The following ANO1 variants were observed in gnomAD, a reference collection of about 807,000 sequenced individuals.
ANO1 encodes anoctamin 1.
Under a neutral mutation model 124.0 loss-of-function variants are expected in ANO1, and 59 were observed. The ratio of observed to expected loss-of-function variants is 0.48; its 90% CI spans 0.39 to 0.59. The LOEUF (loss-of-function observed/expected upper bound fraction) is 0.59. Among genes scored for constraint, ANO1 ranks in the 20% least tolerant of loss-of-function variants. The pLI is 0.00. For missense variants in ANO1, 1,059 were observed against 1,328.0 expected (o/e 0.80, Z 3.15); for synonymous variants, 529 against 532.0 (o/e 0.99, Z 0.08).
At chr11:70,087,278 A>G (rs1046400200) in intron 1 of ANO1, among the ~76,000 whole-genome samples, 1 of 152,178 alleles carries the variant, frequency 6.6e-6, no homozygotes, top group African/African-American at 2.4e-5. Context: ...GTTACAAACA[A>G]CCCAGTTATG....
At position 70,088,077 on chromosome 11, in the gene ANO1, A is replaced by T. The variant is rs2044461924; in HGVS notation, c.434A>T (p.Asp145Val). 1 of 1,160,416 alleles carries T rather than the reference A, an allele frequency of 8.6e-7. No homozygotes were observed. Among genetic ancestry groups the T allele is most frequent in the South Asian group, 2.0e-5 (1 of 49,728 alleles). 71.9% of individuals were successfully genotyped at this position (1,160,416 alleles called of 1,614,324 possible). The stretch of plus-strand genomic sequence containing the variant: ...GAGGCGGGCCTGGAGCTGGAGCGGG[A>T]CGAGGACGTAACTATCTCACTGCGC... ...LLEAGLELERDEDTKIHGVGF... is the reference protein window; with the variant it reads ...LLEAGLELERVEDTKIHGVGF... Residue 145 changes from aspartate to valine, a missense_variant, in exon 2 of 26, where the codon GAC (aspartate) becomes GTC (valine). Physicochemically the swap from Asp to Val is radical, Grantham distance 152. This residue lies in a region of ANO1 where 250 missense variants were observed against 233.1 expected (regional missense o/e 1.07). Coordinates refer to ENST00000355303, the MANE Select transcript of ANO1 (RefSeq NM_018043.7).
At chr11:70,116,527 G>A in intron 8 of ANO1, 28 bp downstream of exon 8, 2 of 1,576,336 alleles carry the variant, frequency 1.3e-6, no homozygotes, top group Admixed American at 1.8e-5. Flanking sequence ...AGCAGGAGGT[G>A]GCTCTGTCAG....
intron 8 of ANO1, among the ~76,000 whole-genome samples, chr11:70,121,820 A>G (rs866884257): frequency 4.6e-5 from 1 of 21,958 alleles, no homozygotes; most frequent in Non-Finnish European, 8.3e-5. Flanking sequence ...CTGTCTCTCC[A>G]TCTCCCCCAC....
intron 6 of ANO1, among the ~76,000 whole-genome samples, chr11:70,110,850 C>T (rs2045748821): frequency 6.6e-6 from 1 of 152,272 alleles, no homozygotes. Flanking sequence ...CTTCCCCACA[C>T]ATGGCCCTGG....
At chr11:69,980,189 T>A in the ANO1 span, among the ~76,000 whole-genome samples, 2 of 152,072 alleles carry the variant, frequency 1.3e-5, no homozygotes, top group Admixed American at 6.6e-5. Flanking sequence ...AAACACCACA[T>A]GTTCCAATTC....
intron 8 of ANO1, among the ~76,000 whole-genome samples, chr11:70,120,687 G>A (rs1038495484): frequency 3.3e-5 from 5 of 152,208 alleles, no homozygotes; most frequent in Non-Finnish European, 7.3e-5. Flanking sequence ...ATTCTAGAGG[G>A]AAGGGCAACG....
At chr11:70,184,759 T>G (rs2049046587) in intron 24 of ANO1, among the ~76,000 whole-genome samples, 1 of 152,196 alleles carries the variant, frequency 6.6e-6, no homozygotes, top group Admixed American at 6.5e-5. Flanking sequence ...TTTGGTTTGC[T>G]TTTTTTAGAG....
intron 1 of ANO1, among the ~76,000 whole-genome samples, chr11:70,010,179 G>GTATGTGTGTGTATGTA (rs1188271051): frequency 1.2e-5 from 1 of 83,776 alleles, no homozygotes. Context: ...GTGTGTGTGT[G>GTATGTGTGTGTATGTA]TATATATATA....
intron 1 of ANO1, among the ~76,000 whole-genome samples, chr11:70,057,856 G>T (rs1453177903): frequency 6.6e-6 from 1 of 152,104 alleles, no homozygotes; most frequent in Non-Finnish European, 1.5e-5. Flanking sequence ...GGGCTCAGAG[G>T]CCTGACAAAA....
chr11:69,992,280 G>A (rs902870), intron 1 of ANO1, among the ~76,000 whole-genome samples: 9,723 of 152,150 alleles, frequency 0.064, 424 homozygotes, highest in South Asian at 0.11. Flanking sequence ...TGGATGGACA[G>A]CTGGATAGAT....
intron 1 of ANO1, among the ~76,000 whole-genome samples, chr11:69,988,134 G>C (rs1403173815): frequency 1.3e-5 from 2 of 152,162 alleles, no homozygotes; most frequent in Non-Finnish European, 2.9e-5. Context: ...CGCCACTTTC[G>C]CTCTGTCCAT....
the ANO1 span, among the ~76,000 whole-genome samples, chr11:69,976,285 G>A: frequency 6.6e-5 from 10 of 152,124 alleles, no homozygotes; most frequent in Admixed American, 2.0e-4. Context: ...CAGGGCGGGC[G>A]GATCATGAGG....
intron 1 of ANO1, among the ~76,000 whole-genome samples, chr11:70,057,434 TTG>T (rs142366013): frequency 1.9e-3 from 285 of 149,776 alleles, no homozygotes; most frequent in African/African-American, 6.3e-3. Context: ...AACTCCAATT[TTG>T]TGTGTGTGTG....
chr11:70,169,248 G>A (rs533904621), intron 21 of ANO1, among the ~76,000 whole-genome samples: 2 of 152,110 alleles, frequency 1.3e-5, no homozygotes, highest in Non-Finnish European at 2.9e-5. Context: ...GGGGACTTCT[G>A]GAGCAGGCGC....
intron 1 of ANO1, among the ~76,000 whole-genome samples, chr11:70,050,022 G>C (rs989597988): frequency 7.2e-5 from 11 of 152,142 alleles, no homozygotes; most frequent in African/African-American, 2.4e-4. Flanking sequence ...CCCAGCTGCT[G>C]TCTGTGTTTT....
At position 70,087,814 on chromosome 11, in the gene ANO1, C is replaced by G. The variant is rs747872104; in HGVS notation, c.171C>G (p.Asp57Glu). 5.0e-6 allele frequency: 8 copies of G among 1,612,782 alleles called. No individual in the cohort carries two copies. In the Admixed American group the frequency reaches 1.3e-4, roughly 27 times the overall value. Residue 57 changes from aspartate (D) to glutamate (E), a missense_variant, in exon 2 of 26, where the codon GAC (aspartate) becomes GAG (glutamate). Coordinates refer to ENST00000355303, the MANE Select transcript of ANO1 (RefSeq NM_018043.7). ...AECKYGLYFRDGRRKVDYILV... is the reference protein window; with the variant it reads ...AECKYGLYFREGRRKVDYILV... ...GCAAGTATGGCCTGTACTTCAGGGA[C>G]GGCCGGCGCAAGGTGGACTACATCC...
chr11:70,038,023 A>G (rs1335018411), intron 1 of ANO1, among the ~76,000 whole-genome samples: 2 of 152,190 alleles, frequency 1.3e-5, no homozygotes, highest in African/African-American at 4.8e-5. Context: ...GCAGTGGCTC[A>G]TGCCTGTAAT....
At position 70,062,142 on chromosome 11, in the gene ANO1, T is replaced by G. The variant is rs11232347; in HGVS notation, c.59-16400T>G. 0.014 allele frequency among the ~76,000 whole-genome samples: 1,915 copies of G among 137,936 alleles called. 97 individuals carry two copies. In the East Asian group the frequency reaches 0.19, roughly 13 times the overall value. The allele number at this position is 137,936 out of a possible 152,430, so 90.5% of individuals were successfully genotyped here. ...CCCAGGCTGGAGTGCAATGGTGCAA[T>G]CTTGGCTCACTGCAACCTCTGCCTC... On this transcript the variant is annotated intron_variant, in intron 1 of 27. Coordinates refer to the ANO1 transcript ENST00000531349.
At chr11:70,120,079 T>G (rs2135454308) in intron 8 of ANO1, among the ~76,000 whole-genome samples, 1 of 152,244 alleles carries the variant, frequency 6.6e-6, no homozygotes, top group South Asian at 2.1e-4. Context: ...ATTGTTCTAA[T>G]CAGTGGCAGG....
Sources: allele counts gnomAD v4.1 joint callset (sites outside exome capture counted in the v4.1 genomes callset), GRCh38; gene constraint gnomAD v4.1.1; regional missense constraint gnomAD v4.1.1; transcripts MANE v1.5; gene names NCBI Gene and HGNC (gene_info 2026-07-23, HGNC 2026-07-21).